B4GALT1: variants seen among roughly 807,000 people sequenced by gnomAD.
The protein encoded by B4GALT1 is beta-1,4-galactosyltransferase 1.
Under a neutral mutation model 34.9 loss-of-function variants are expected in B4GALT1, and 16 were observed. The observed-to-expected ratio is 0.46, with a 90% CI of 0.31 to 0.70. The LOEUF is 0.70. Among genes scored for constraint, B4GALT1 ranks in the 30% least tolerant of loss-of-function variants. The probability of loss-of-function intolerance (pLI) is 0.05; values close to 1 mark genes in which losing one functional copy is unlikely to be tolerated. For synonymous variants in B4GALT1, 221 were observed against 218.1 expected (o/e 1.01, Z -0.12); for missense variants, 445 against 530.5 (o/e 0.84, Z 1.58).
chr9:33,158,826 G>A (rs1840634798), intron 1 of B4GALT1, among the ~76,000 whole-genome samples: 1 of 152,166 alleles, frequency 6.6e-6, no homozygotes, highest in African/African-American at 2.4e-5. Flanking sequence ...GCCCAAGAGT[G>A]GGGGCCTCTC....
intron 1 of B4GALT1, 39 bp from the exon 2 acceptor site, chr9:33,135,463 G>C: frequency 6.3e-7 from 1 of 1,585,318 alleles, no homozygotes; most frequent in Non-Finnish European, 8.6e-7. Context: ...GCAGGCCACA[G>C]GACTCGCCAC....
In B4GALT1 at chr9:33,111,276, A is replaced by AAAAAAAAC. The variant is rs1564033760; in HGVS notation, c.*2177_*2178insGTTTTTTT. 3 of 106,020 alleles carry AAAAAAAAC rather than the reference A, an allele frequency of 2.8e-5. No homozygotes were observed. Among genetic ancestry groups the AAAAAAAAC allele is most frequent in the Admixed American group, 1.0e-4 (1 of 9,582 alleles). The allele number at this position is 106,020 out of a possible 1,614,324, so 6.6% of individuals were successfully genotyped here. Reference sequence around the variant, plus strand: ...AAAAAAAAAAAAAAAAAAAAAAAAAAAACAACAAGAAAAGGTAGAGTTTGG... The same window carrying AAAAAAAAC: ...AAAAAAAAAAAAAAAAAAAAAAAAAAAAAAAAACAACAACAAGAAAAGGTAGAGTTTGG... On this transcript the variant is annotated 3_prime_UTR_variant, in exon 6 of 6. Coordinates refer to ENST00000379731, the MANE Select transcript of B4GALT1 (RefSeq NM_001497.4).
intron 2 of B4GALT1, among the ~76,000 whole-genome samples, chr9:33,125,752 C>A (rs1307368245): frequency 5.9e-5 from 9 of 152,152 alleles, no homozygotes; most frequent in Admixed American, 5.9e-4. Context: ...CCCCTGATTG[C>A]AACAGGGGAC....
At chr9:33,180,902 A>T in the B4GALT1 span, among the ~76,000 whole-genome samples, 12 of 152,332 alleles carry the variant, frequency 7.9e-5, no homozygotes, top group Admixed American at 7.8e-4. Flanking sequence ...CCAGTCATTT[A>T]AAAAAGTTCA....
At chr9:33,143,115 A>G (rs1238415559) in intron 1 of B4GALT1, among the ~76,000 whole-genome samples, 1 of 152,352 alleles carries the variant, frequency 6.6e-6, no homozygotes, top group African/African-American at 2.4e-5. Flanking sequence ...ACTGCACTCT[A>G]GCCTGGGCAA....
At chr9:33,179,463 T>C in the B4GALT1 span, 2 of 152,250 alleles carry the variant, frequency 1.3e-5, no homozygotes, top group African/African-American at 4.8e-5. Context: ...CTTGGCTTTG[T>C]GTGCACACCT....
At chr9:33,169,936 C>G (rs1265276621), upstream of B4GALT1, among the ~76,000 whole-genome samples, 5 of 150,770 alleles carry the variant, frequency 3.3e-5, no homozygotes, top group East Asian at 5.9e-4. Flanking sequence ...GGAAATTTCT[C>G]TCTTGTTCAC....
At chr9:33,108,339 G>A (rs1839816930), downstream of B4GALT1, among the ~76,000 whole-genome samples, 1 of 151,742 alleles carries the variant, frequency 6.6e-6, no homozygotes, top group Non-Finnish European at 1.5e-5. Context: ...GGGGCCAGGT[G>A]CAGTGGCTCA....
At chr9:33,161,461 C>A (rs1043063561) in intron 1 of B4GALT1, among the ~76,000 whole-genome samples, 4 of 152,220 alleles carry the variant, frequency 2.6e-5, no homozygotes, top group African/African-American at 9.6e-5. Flanking sequence ...GAGGCCCCTA[C>A]AACTCAGGTC....
At chr9:33,135,142 T>A in intron 2 of B4GALT1, 47 bp downstream of exon 2, 5 of 1,540,452 alleles carry the variant, frequency 3.2e-6, no homozygotes, top group Non-Finnish European at 4.5e-6. Context: ...CTGATACACA[T>A]CTGCATGCAC....
At position 33,149,309 on chromosome 9, in the gene B4GALT1, C is replaced by T. The variant is rs182360712; in HGVS notation, c.413-13885G>A. On this transcript the variant is annotated intron_variant, in intron 1 of 5. Transcript: ENST00000379731. ...TTACTTTTTTTTTTTGAGACAGAGT[C>T]TCACTCTGTCACCCTGGCTAGAGTG... 7.2e-4 allele frequency among the ~76,000 whole-genome samples: 108 copies of T among 150,776 alleles called. 1 individual carries two copies. The highest frequency in any genetic ancestry group is 2.4e-3 in the African/African-American group (99 of 41,120).
At position 33,131,101 on chromosome 9, in the gene B4GALT1, G is replaced by C. The variant is rs569464908; in HGVS notation, c.648+4088C>G. Reference sequence around the variant, plus strand: ...GTGGCAGTGCCAGGACTGAACCCAGGCAGTCTGAGCACACAGCACACTCTC... The same window carrying C: ...GTGGCAGTGCCAGGACTGAACCCAGCCAGTCTGAGCACACAGCACACTCTC... On this transcript the variant is annotated intron_variant, in intron 2 of 5. Coordinates refer to ENST00000379731, the MANE Select transcript of B4GALT1 (RefSeq NM_001497.4). Among the ~76,000 whole-genome samples the C allele has an allele frequency of 2.6e-5, 4 of 152,318 alleles. No individual in the cohort carries two copies. The South Asian group carries it at 6.2e-4, about 24-fold the overall frequency.
In B4GALT1 at chr9:33,135,285, G is replaced by C; in HGVS notation, c.552C>G (p.Phe184Leu). The change falls in exon 2 of 6, where the codon TTC becomes TTG. Residue 184 changes from phenylalanine to leucine, a missense_variant. Transcript: ENST00000379731. The part of the protein sequence containing the change: ...SPHKVAIIIP[F>L]RNRQEHLKYW... ...ACTTGAGGTGCTCCTGCCGGTTGCG[G>C]AATGGAATGATGATGGCCACCTTGT... 1 of 1,614,206 alleles carries C rather than the reference G, an allele frequency of 6.2e-7. No homozygotes were observed.
intron 1 of B4GALT1, among the ~76,000 whole-genome samples, chr9:33,145,001 G>C (rs1840405976): frequency 6.6e-6 from 1 of 152,192 alleles, no homozygotes; most frequent in Non-Finnish European, 1.5e-5. Context: ...TTAAGATCAA[G>C]ATGGGGCAAA....
At chr9:33,173,364 C>G in the B4GALT1 span, among the ~76,000 whole-genome samples, 1 of 147,978 alleles carries the variant, frequency 6.8e-6, no homozygotes, top group South Asian at 2.2e-4. Context: ...GTGATCGGGC[C>G]ATTGCACTCC....
At chr9:33,162,243 T>C (rs926017188) in intron 1 of B4GALT1, among the ~76,000 whole-genome samples, 5 of 152,096 alleles carry the variant, frequency 3.3e-5, no homozygotes, top group East Asian at 3.9e-4. Context: ...CTGGAGAATT[T>C]TGATATGAAC....
chr9:33,110,361 A>G (rs1214535400), downstream of B4GALT1, among the ~76,000 whole-genome samples: 2 of 152,210 alleles, frequency 1.3e-5, no homozygotes, highest in East Asian at 1.9e-4. Context: ...CTGCTAGGGG[A>G]AAAAAATTCT....
intron 2 of B4GALT1, among the ~76,000 whole-genome samples, chr9:33,132,486 C>T (rs1283036975): frequency 6.6e-6 from 1 of 152,234 alleles, no homozygotes; most frequent in African/African-American, 2.4e-5. Context: ...ATTCCTCAAG[C>T]GTATTTCGCT....
chr9:33,147,024 G>T (rs1840436019), intron 1 of B4GALT1, among the ~76,000 whole-genome samples: 1 of 151,922 alleles, frequency 6.6e-6, no homozygotes, highest in Non-Finnish European at 1.5e-5. Flanking sequence ...TTCAAGGGAA[G>T]GCAACACAGT....
Sources: gnomAD v4.1 joint callset for allele counts (sites outside exome capture counted in the v4.1 genomes callset) on GRCh38, gnomAD v4.1.1 for gene constraint, MANE v1.5 for transcripts, NCBI Gene and HGNC (gene_info 2026-07-23, HGNC 2026-07-21) for gene names.